The following GALNT2 variants were observed in gnomAD, a reference collection of about 807,000 sequenced individuals.
GALNT2 encodes the protein polypeptide N-acetylgalactosaminyltransferase 2.
Under a neutral mutation model 81.4 loss-of-function variants are expected in GALNT2, and 31 were observed. That is an observed-to-expected ratio of 0.38 (90% CI 0.29 to 0.51). GALNT2 has a LOEUF of 0.51. GALNT2 is among the 20% of genes least tolerant of loss of function. The pLI is 0.87. For missense variants in GALNT2, 629 were observed against 765.7 expected, an observed-to-expected ratio of 0.82 and a Z score of 2.11; for synonymous variants, 303 against 287.4, an observed-to-expected ratio of 1.05 and a Z score of -0.55.
At chr1:230,063,194 C>T (rs1468399119), upstream of GALNT2, among the ~76,000 whole-genome samples, 1 of 151,644 alleles carries the variant, frequency 6.6e-6, no homozygotes, top group Non-Finnish European at 1.5e-5. Flanking sequence ...GCCTGTAGGC[C>T]CAGCTGCTTA....
chr1:230,064,190 T>C (rs1350719687), upstream of GALNT2, among the ~76,000 whole-genome samples: 2 of 152,234 alleles, frequency 1.3e-5, no homozygotes, highest in East Asian at 1.9e-4. Context: ...CTTTCACTAC[T>C]ACCTGCTACT....
chr1:230,061,788 G>A (rs901733139), intron 1 of GALNT2, among the ~76,000 whole-genome samples: 1 of 152,116 alleles, frequency 6.6e-6, no homozygotes, highest in African/African-American at 2.4e-5. Context: ...GAGTGTGTAT[G>A]TGTGTTTTGC....
chr1:230,101,170 A>C (rs960756251), intron 1 of GALNT2, among the ~76,000 whole-genome samples: 2 of 152,230 alleles, frequency 1.3e-5, no homozygotes, highest in African/African-American at 4.8e-5. Context: ...TTCTTAGACC[A>C]GATCTCCATT....
intron 3 of GALNT2, among the ~76,000 whole-genome samples, chr1:230,226,413 C>A (rs1042431094): frequency 6.6e-6 from 1 of 152,198 alleles, no homozygotes; most frequent in Non-Finnish European, 1.5e-5. Context: ...GAGAAATGGG[C>A]TAGCAAGCAA....
At chr1:230,215,414 C>T (rs1664358877) in intron 3 of GALNT2, among the ~76,000 whole-genome samples, 1 of 152,242 alleles carries the variant, frequency 6.6e-6, no homozygotes, top group Non-Finnish European at 1.5e-5. Flanking sequence ...TCACACCTGG[C>T]TGCTTTGCTA....
At chr1:230,232,930 A>G (rs967525807) in intron 3 of GALNT2, among the ~76,000 whole-genome samples, 14 of 152,190 alleles carry the variant, frequency 9.2e-5, no homozygotes, top group African/African-American at 3.4e-4. Context: ...CTAGTATATT[A>G]TGCAATTTCT....
chr1:230,193,097 A>C lies in GALNT2; in HGVS notation c.221-10040A>C, dbSNP rs1663580493. ...ATAAATCTGAGAGCCTTGTCCTTTGATATTAAATACATTCTGTTTCCCTTC... is the reference window on the plus strand; with the variant it reads ...ATAAATCTGAGAGCCTTGTCCTTTGCTATTAAATACATTCTGTTTCCCTTC... On this transcript the variant is annotated intron_variant, in intron 2 of 15. Coordinates refer to ENST00000366672, the MANE Select transcript of GALNT2 (RefSeq NM_004481.5). The surrounding 1 kb of genome is among the most constrained non-coding windows in gnomAD (Gnocchi z 4.3). 6.6e-6 allele frequency among the ~76,000 whole-genome samples: 1 copy of C among 152,198 alleles called. No individual in the cohort carries two copies. The highest frequency in any genetic ancestry group is 1.5e-5 in the Non-Finnish European group (1 of 68,048).
chr1:230,075,070 G>A lies in GALNT2; in HGVS notation c.126+7664G>A, dbSNP rs573944517. ...TTGGAAAGTTCCTGGAAGGCATCTT[G>A]GAGCAGATGCACACTTGATAATGCT... On this transcript the variant is annotated intron_variant, in intron 1 of 15. Coordinates refer to ENST00000366672, the MANE Select transcript of GALNT2 (RefSeq NM_004481.5). Among the ~76,000 whole-genome samples the A allele has an allele frequency of 2.8e-5, 4 of 140,458 alleles. No homozygotes were observed. In the South Asian group the frequency reaches 9.3e-4, roughly 33 times the overall value. The allele number at this position is 140,458 out of a possible 152,430, so 92.1% of individuals were successfully genotyped here. A position where few individuals can be genotyped will look rare whatever the true frequency, so the allele number is the denominator to read the frequency against.
intron 3 of GALNT2, among the ~76,000 whole-genome samples, chr1:230,206,319 A>G (rs193238732): frequency 2.6e-5 from 4 of 151,646 alleles, no homozygotes; most frequent in African/African-American, 7.3e-5. Context: ...GTCCAAACAG[A>G]TGTTTGAATA....
intron 1 of GALNT2, among the ~76,000 whole-genome samples, chr1:230,144,538 A>G (rs1047006381): frequency 2.0e-5 from 3 of 152,200 alleles, no homozygotes; most frequent in African/African-American, 4.8e-5. Context: ...TCCTTAAGAA[A>G]GTTTTATTGT....
intron 1 of GALNT2, among the ~76,000 whole-genome samples, chr1:230,120,057 C>A (rs570987836): frequency 2.6e-5 from 4 of 152,046 alleles, no homozygotes; most frequent in African/African-American, 9.6e-5. Context: ...CTCAGGGCGG[C>A]CTGCTTTCCT....
chr1:230,279,442 T>C lies in GALNT2; in HGVS notation c.1700T>C (p.Leu567Pro), dbSNP rs371254497. 2 of 1,614,028 alleles carry C rather than the reference T, an allele frequency of 1.2e-6. No individual in the cohort carries two copies. The highest frequency in any genetic ancestry group is 2.2e-5 in the East Asian group (1 of 44,878). ...CTTTCGCAGCAGTGGAAGTTCACGCTCAACCTGCAGCAGTAGGAGGGTCCG... is the reference window on the plus strand; with the variant it reads ...CTTTCGCAGCAGTGGAAGTTCACGCCCAACCTGCAGCAGTAGGAGGGTCCG... ...PALSQQWKFTLNLQQ is the reference protein window; with the variant it reads ...PALSQQWKFTPNLQQ Residue 567 changes from leucine to proline, a missense_variant, in exon 16 of 16, where the codon CTC (leucine) becomes CCC (proline). Around this residue, in one of 3 missense-constraint regions of GALNT2, gnomAD observed 207 missense variants for 225.5 expected, o/e 0.92. Coordinates refer to ENST00000366672, the MANE Select transcript of GALNT2 (RefSeq NM_004481.5). This position sits in a 1 kb window ranked among gnomAD's most constrained non-coding sequence, Gnocchi z 4.6.
At position 230,129,958 on chromosome 1, in the gene GALNT2, G is replaced by A. The variant is rs142602703; in HGVS notation, c.127-48260G>A. Among the ~76,000 whole-genome samples, 328 of 152,348 alleles carry A rather than the reference G, an allele frequency of 2.2e-3. 2 individuals carry two copies. The Middle Eastern group carries it at 0.031, about 14-fold the overall frequency. ...AGCTTCCTGTGGACAGGCATCACCC[G>A]TCTGCTGAAGTACGCTGAACGGGCA... On this transcript the variant is annotated intron_variant, in intron 1 of 15. Coordinates refer to ENST00000366672, the MANE Select transcript of GALNT2 (RefSeq NM_004481.5).
At chr1:230,109,226 C>T (rs1453386143) in intron 1 of GALNT2, among the ~76,000 whole-genome samples, 1 of 152,192 alleles carries the variant, frequency 6.6e-6, no homozygotes, top group South Asian at 2.1e-4. Flanking sequence ...TGCAGCTGCC[C>T]AGTGTGGTCC....
At chr1:230,242,424 C>T (rs1415868537) in intron 6 of GALNT2, among the ~76,000 whole-genome samples, 1 of 152,182 alleles carries the variant, frequency 6.6e-6, no homozygotes. Flanking sequence ...GACTTGTCCT[C>T]ACCGGTTATG....
intron 1 of GALNT2, among the ~76,000 whole-genome samples, chr1:230,078,998 C>A (rs1012736492): frequency 6.6e-6 from 1 of 152,116 alleles, no homozygotes; most frequent in Admixed American, 6.5e-5. Context: ...CTTGACTACA[C>A]CCTTCTCATT....
chr1:230,239,643 T>C (rs1665137978), intron 6 of GALNT2, among the ~76,000 whole-genome samples: 1 of 152,244 alleles, frequency 6.6e-6, no homozygotes, highest in African/African-American at 2.4e-5. Context: ...TTGAGGGTAG[T>C]TCATTTACAT....
chr1:230,209,566 G>A lies in GALNT2; in HGVS notation c.374+6276G>A, dbSNP rs188815365. On this transcript the variant is annotated intron_variant, in intron 3 of 15. Coordinates refer to ENST00000366672, the MANE Select transcript of GALNT2 (RefSeq NM_004481.5). ...AAATACAAATCTATTGTTGGGCCAG[G>A]TGCAGTGGCTCATGCCTGTAATCCC... 2.3e-4 allele frequency among the ~76,000 whole-genome samples: 35 copies of A among 152,350 alleles called. No individual in the cohort carries two copies. The East Asian group carries it at 4.2e-3, about 18-fold the overall frequency.
intron 15 of GALNT2, among the ~76,000 whole-genome samples, chr1:230,277,681 C>T (rs1202302784): frequency 6.6e-6 from 1 of 152,214 alleles, no homozygotes; most frequent in Non-Finnish European, 1.5e-5. Context: ...GTACAAGTGA[C>T]AACATCCTTG....
Sources: allele counts gnomAD v4.1 joint callset (sites outside exome capture counted in the v4.1 genomes callset), GRCh38; gene constraint gnomAD v4.1.1; regional missense constraint gnomAD v4.1.1; non-coding constraint Gnocchi (gnomAD v3.1); transcripts MANE v1.5; gene names NCBI Gene and HGNC (gene_info 2026-07-23, HGNC 2026-07-21).